The following SBF2 variants were observed in gnomAD, a reference collection of about 807,000 sequenced individuals.
SBF2 encodes the protein SET binding factor 2.
In SBF2, 112 loss-of-function variants were observed where a neutral mutation model predicts 225.2. That is an observed-to-expected ratio of 0.50 (90% CI 0.43 to 0.58). SBF2 has a LOEUF of 0.58. Ranked by LOEUF, SBF2 falls within the 20% of genes least tolerant of loss-of-function variation. The pLI is 0.00. For missense variants in SBF2, 1,996 were observed against 2,206.2 expected, an observed-to-expected ratio of 0.90 and a Z score of 1.91; for synonymous variants, 763 against 773.3, an observed-to-expected ratio of 0.99 and a Z score of 0.22.
At chr11:9,947,255 A>T (rs1227244573) in intron 16 of SBF2, among the ~76,000 whole-genome samples, 1 of 152,224 alleles carries the variant, frequency 6.6e-6, no homozygotes, top group African/African-American at 2.4e-5. Flanking sequence ...GTGCTAGAGA[A>T]TTTGGAGAAA....
At chr11:10,115,285 T>TACA (rs1953078621) in intron 2 of SBF2, among the ~76,000 whole-genome samples, 1 of 152,210 alleles carries the variant, frequency 6.6e-6, no homozygotes, top group Non-Finnish European at 1.5e-5. Flanking sequence ...AATAAAGGAA[T>TACA]GCAATACATT....
At chr11:9,832,456 G>C in intron 26 of SBF2, 36 bp from the exon 27 acceptor site, 1 of 1,505,484 alleles carries the variant, frequency 6.6e-7, no homozygotes, top group Non-Finnish European at 9.2e-7. Flanking sequence ...GAATGATTGG[G>C]GGAAGGAACA....
chr11:9,830,775 C>CAAAAAAAAAA (rs896636140), intron 27 of SBF2, among the ~76,000 whole-genome samples: 2 of 145,412 alleles, frequency 1.4e-5, no homozygotes, highest in African/African-American at 2.5e-5. Context: ...CAAAACAAAA[C>CAAAAAAAAAA]AAAAAACAAA....
At chr11:9,894,646 T>C (rs541678283) in intron 17 of SBF2, among the ~76,000 whole-genome samples, 18 of 152,250 alleles carry the variant, frequency 1.2e-4, no homozygotes, top group Non-Finnish European at 1.6e-4. Flanking sequence ...ATTGTGCCAC[T>C]GCACTACAGC....
intron 16 of SBF2, among the ~76,000 whole-genome samples, chr11:9,945,923 TA>T (rs927001421): frequency 2.7e-5 from 4 of 148,312 alleles, no homozygotes; most frequent in Admixed American, 6.8e-5. Flanking sequence ...ATTAAAAAGT[TA>T]AAAAAAAAAC....
chr11:9,929,786 A>G (rs943712121), intron 16 of SBF2, among the ~76,000 whole-genome samples: 1 of 152,210 alleles, frequency 6.6e-6, no homozygotes, highest in Non-Finnish European at 1.5e-5. Context: ...ATGCTTCCAC[A>G]ACCAGCAGGA....
intron 2 of SBF2, among the ~76,000 whole-genome samples, chr11:10,145,959 G>C (rs61880160): frequency 0.11 from 16,247 of 152,108 alleles, 1,033 homozygotes; most frequent in Non-Finnish European, 0.12. Flanking sequence ...AATCAGGAAT[G>C]CAGTTCCATT....
intron 13 of SBF2, among the ~76,000 whole-genome samples, chr11:9,976,440 T>C (rs1008508802): frequency 6.6e-6 from 1 of 152,110 alleles, no homozygotes; most frequent in Non-Finnish European, 1.5e-5. Context: ...TTTCTAAAAC[T>C]GTCAGACAAA....
chr11:10,027,775 C>A (rs1472507404), intron 6 of SBF2, among the ~76,000 whole-genome samples: 2 of 152,156 alleles, frequency 1.3e-5, no homozygotes, highest in African/African-American at 2.4e-5. Context: ...CCCAATCTTT[C>A]ATCCTAACCA....
At chr11:10,176,795 T>C (rs974393857) in intron 2 of SBF2, among the ~76,000 whole-genome samples, 2 of 152,210 alleles carry the variant, frequency 1.3e-5, no homozygotes, top group African/African-American at 4.8e-5. Flanking sequence ...CCTCTGAAAC[T>C]ATTCCAATCA....
At chr11:10,200,120 T>C (rs546254526) in intron 1 of SBF2, among the ~76,000 whole-genome samples, 75 of 152,260 alleles carry the variant, frequency 4.9e-4, no homozygotes, top group African/African-American at 1.7e-3. Flanking sequence ...TATATACATA[T>C]GAAACAGGGT....
chr11:10,134,622 T>C (rs1247741960), intron 2 of SBF2, among the ~76,000 whole-genome samples: 1 of 152,218 alleles, frequency 6.6e-6, no homozygotes, highest in Non-Finnish European at 1.5e-5. Flanking sequence ...ACAAAGGGGT[T>C]ACAGGCACTG....
At chr11:9,982,418 A>G (rs1175333704) in intron 13 of SBF2, among the ~76,000 whole-genome samples, 1 of 152,230 alleles carries the variant, frequency 6.6e-6, no homozygotes, top group African/African-American at 2.4e-5. Context: ...ACTTTGAAAA[A>G]TGTGGTCTAT....
chr11:9,896,957 C>T (rs1861317160), intron 16 of SBF2, among the ~76,000 whole-genome samples: 1 of 152,078 alleles, frequency 6.6e-6, no homozygotes, highest in Non-Finnish European at 1.5e-5. Flanking sequence ...ATAGCGATTC[C>T]ACACATGCAA....
At chr11:9,787,360 G>A (rs1445606571) in intron 36 of SBF2, among the ~76,000 whole-genome samples, 2 of 152,112 alleles carry the variant, frequency 1.3e-5, no homozygotes, top group Non-Finnish European at 2.9e-5. Context: ...GAAACCACAC[G>A]GGCACTGAGA....
chr11:9,929,663 C>T (rs2134252980), intron 16 of SBF2, among the ~76,000 whole-genome samples: 1 of 152,272 alleles, frequency 6.6e-6, no homozygotes, highest in East Asian at 1.9e-4. Context: ...ACAACCAATG[C>T]TTCAAAAGTT....
intron 2 of SBF2, among the ~76,000 whole-genome samples, chr11:10,128,199 T>G (rs1319491061): frequency 1.3e-5 from 2 of 152,182 alleles, no homozygotes; most frequent in African/African-American, 4.8e-5. Context: ...AACACACACT[T>G]GTTTGTTTGC....
chr11:10,176,154 C>T (rs1956452236), intron 2 of SBF2, among the ~76,000 whole-genome samples: 1 of 133,802 alleles, frequency 7.5e-6, no homozygotes, highest in South Asian at 2.8e-4. Context: ...AGAACAAAGA[C>T]ACAACATACC....
chr11:10,107,324 G>A (rs374518630), intron 2 of SBF2, among the ~76,000 whole-genome samples: 15 of 152,226 alleles, frequency 9.9e-5, no homozygotes, highest in East Asian at 9.6e-4. Flanking sequence ...AATACTATTC[G>A]TCAATAAAAG....
Sources: gnomAD v4.1 joint callset for allele counts (sites outside exome capture counted in the v4.1 genomes callset) on GRCh38, gnomAD v4.1.1 for gene constraint, MANE v1.5 for transcripts, NCBI Gene and HGNC (gene_info 2026-07-23, HGNC 2026-07-21) for gene names.